The following HEATR1 variants were observed in gnomAD, a reference collection of about 807,000 sequenced individuals.
The protein encoded by HEATR1 is HEAT repeat containing 1.
A neutral mutation model predicts 248.2 loss-of-function variants in HEATR1; 77 were observed. The ratio of observed to expected loss-of-function variants is 0.31; its 90% confidence interval spans 0.26 to 0.37. HEATR1 has a LOEUF of 0.37. HEATR1 is among the 10% of genes least tolerant of loss of function. The pLI is 1.00. For synonymous variants in HEATR1, 897 were observed against 923.1 expected, an observed-to-expected ratio of 0.97 and a Z score of 0.51; for missense variants, 2,420 against 2,504.9, an observed-to-expected ratio of 0.97 and a Z score of 0.72.
At chr1:236,554,960 G>T (rs1662918347) in intron 41 of HEATR1, among the ~76,000 whole-genome samples, 3 of 152,132 alleles carry the variant, frequency 2.0e-5, no homozygotes. Flanking sequence ...CACTCACTCT[G>T]GCAAGTTAAA....
intron 4 of HEATR1, 36 bp downstream of exon 4, chr1:236,599,447 T>C (rs767631347): frequency 4.5e-6 from 7 of 1,568,194 alleles, no homozygotes; most frequent in Non-Finnish European, 6.1e-6. Context: ...TCAAGATCTG[T>C]AATGATTACA....
At chr1:236,566,982 GA>G (rs1663289495) in intron 29 of HEATR1, 106 bp from the exon 30 acceptor site, 1 of 710,564 alleles carries the variant, frequency 1.4e-6, no homozygotes, top group Non-Finnish European at 2.4e-6. Flanking sequence ...GAAATTGCCA[GA>G]AGAATTTTAT....
chr1:236,565,598 T>C lies in HEATR1; in HGVS notation c.4435+321A>G, dbSNP rs1663248459. Among the ~76,000 whole-genome samples the C allele has an allele frequency of 2.6e-5, 4 of 152,140 alleles. No individual in the cohort carries two copies. In the South Asian group the frequency reaches 8.3e-4, roughly 31 times the overall value. ...TTCTTTTCATGTAAATGTCTTCAGA[T>C]ATTTTAATGAGAAGCTGAGAGACAG... On this transcript the variant is annotated intron_variant, in intron 31 of 44. Transcript: ENST00000366582.
rs200588560 is a variant in HEATR1 at position 236,595,657 on chromosome 1, A to G, written c.973T>C (p.Cys325Arg). The G allele has an allele frequency of 6.8e-6, 11 of 1,612,152 alleles. No individual in the cohort carries two copies. The highest frequency in any genetic ancestry group is 5.5e-5 in the South Asian group (5 of 90,646). The stretch of plus-strand genomic sequence containing the variant: ...ATTGTAATAAGATCAGGAACATTAC[A>G]TAAGTGAGGGAATGGCCTTTGAAGA... ...SLGKKPFPHL[C>R]NVPDLITILH... The change falls in exon 8 of 45, where the codon TGT (cysteine) becomes CGT (arginine). Residue 325 changes from cysteine to arginine, a missense_variant. Coordinates refer to ENST00000366582, the MANE Select transcript of HEATR1 (RefSeq NM_018072.6).
At position 236,569,667 on chromosome 1, in the gene HEATR1, C is replaced by T. The variant is rs577266790; in HGVS notation, c.3949-543G>A. The stretch of plus-strand genomic sequence containing the variant: ...GGCAAGGATGTGAAGAAATTGGGAA[C>T]TTTACAGGCTGCTGGTGGAAGCAAA... On this transcript the variant is annotated intron_variant, in intron 28 of 44. Coordinates refer to ENST00000366582, the MANE Select transcript of HEATR1 (RefSeq NM_018072.6). Among the ~76,000 whole-genome samples the T allele has an allele frequency of 2.6e-5, 4 of 152,256 alleles. No homozygotes were observed. The East Asian group carries it at 7.7e-4, about 29-fold the overall frequency.
chr1:236,566,828 C>T lies in HEATR1; in HGVS notation c.4126G>A (p.Val1376Met). ...ACAAATACACTAATGATTTTTACCACAATCTCTTCAACGTTTCTTGAAACT... is the reference window on the plus strand; with the variant it reads ...ACAAATACACTAATGATTTTTACCATAATCTCTTCAACGTTTCTTGAAACT... ...IEVSRNVEEIVVKIISVFVDA... is the reference protein window; with the variant it reads ...IEVSRNVEEIMVKIISVFVDA... The change falls in exon 30 of 45, where the codon GTG becomes ATG. Residue 1376 changes from valine (V) to methionine (M), a missense_variant. Transcript: ENST00000366582. 6.2e-7 allele frequency: 1 copy of T among 1,614,112 alleles called. No individual in the cohort carries two copies. Among genetic ancestry groups the T allele is most frequent in the Non-Finnish European group, 8.5e-7 (1 of 1,180,026 alleles).
At position 236,551,170 on chromosome 1, in the gene HEATR1, C is replaced by T. The variant is rs138650493; in HGVS notation, c.6347-180G>A. Reference sequence around the variant, plus strand: ...CCGCCTCCCTCCACACCGCTCCTTCCGCCTTCATTCCTTGCCCACAGGCTT... The same window carrying T: ...CCGCCTCCCTCCACACCGCTCCTTCTGCCTTCATTCCTTGCCCACAGGCTT... On this transcript the variant is annotated intron_variant, in intron 44 of 44. Coordinates refer to ENST00000366582, the MANE Select transcript of HEATR1 (RefSeq NM_018072.6). 46 of 554,174 alleles carry T rather than the reference C, an allele frequency of 8.3e-5. No homozygotes were observed. The East Asian group carries it at 1.2e-3, about 14-fold the overall frequency. The allele number at this position is 554,174 out of a possible 1,614,324, so 34.3% of individuals were successfully genotyped here.
At chr1:236,556,853 G>T (rs16833873) in intron 37 of HEATR1, among the ~76,000 whole-genome samples, 2,372 of 152,182 alleles carry the variant, frequency 0.016, 15 homozygotes, top group Middle Eastern at 0.075. Flanking sequence ...TCTCACAGTA[G>T]AAACAGGGCC....
chr1:236,558,335 T>G lies in HEATR1; in HGVS notation c.5106A>C (p.Pro1702=). Residue 1702 remains proline, a synonymous_variant, in exon 36 of 45, where the codon CCA becomes CCC. Transcript: ENST00000366582. ...VLNTAVKLIA[P]ERKEEKNVLG... ...GGACATTCTTCTCCTCCTTTCTCTC[T>G]GGAGCAATCAGTTTCACAGCAGTGT... The G allele has an allele frequency of 6.2e-7, 1 of 1,614,202 alleles. No homozygotes were observed. Among genetic ancestry groups the G allele is most frequent in the South Asian group, 1.1e-5 (1 of 91,084 alleles).
intron 3 of HEATR1, chr1:236,602,775 T>A (rs1572057135): frequency 1.1e-5 from 2 of 178,834 alleles, no homozygotes; most frequent in East Asian, 2.9e-4. Context: ...AACACAAAAC[T>A]CATCCAGGCA....
At position 236,581,209 on chromosome 1, in the gene HEATR1, C is replaced by T. The variant is rs772481468; in HGVS notation, c.2755+13G>A. On this transcript the variant is annotated intron_variant, in intron 20 of 44. Transcript: ENST00000366582. ...TTGGTCATGACAAAACATAACAATG[C>T]TACTTTTAATACCTGGAGAAGATAT... The T allele has an allele frequency of 8.1e-6, 13 of 1,599,294 alleles. No individual in the cohort carries two copies. In the East Asian group the frequency reaches 2.7e-4, roughly 33 times the overall value.
chr1:236,559,272 TAAAA>T (rs1420181129), intron 34 of HEATR1, 137 bp from the exon 35 acceptor site: 2 of 614,276 alleles, frequency 3.3e-6, no homozygotes, highest in African/African-American at 3.8e-5. Context: ...ATTTAATTCT[TAAAA>T]TAACCTTTCA....
At position 236,595,876 on chromosome 1, in the gene HEATR1, T is replaced by C. The variant is rs1000929249; in HGVS notation, c.913A>G (p.Ile305Val). 12 of 1,613,984 alleles carry C rather than the reference T, an allele frequency of 7.4e-6. No individual in the cohort carries two copies. The highest frequency in any genetic ancestry group is 1.6e-4 in the Middle Eastern group (1 of 6,084). The change falls in exon 7 of 45, where the codon ATA (isoleucine) becomes GTA (valine). Residue 305 changes from isoleucine (I) to valine (V), a missense_variant. Transcript: ENST00000366582. ...SLIKDGLSCL[I>V]VLLQRQKPES... ...GGCTTCTGTCTCTGCAGGAGCACTA[T>C]CAAGCAACTTAACCCATCCTTGATC... is the stretch of plus-strand genomic sequence containing the variant.
chr1:236,551,030 C>G, intron 44 of HEATR1, 40 bp from the exon 45 acceptor site: 1 of 1,473,878 alleles, frequency 6.8e-7, no homozygotes, highest in South Asian at 1.2e-5. Flanking sequence ...AAATCTGAGT[C>G]AGTCCGCCTG....
intron 37 of HEATR1, among the ~76,000 whole-genome samples, chr1:236,556,728 T>C (rs893590337): frequency 2.0e-5 from 3 of 152,214 alleles, no homozygotes; most frequent in African/African-American, 7.2e-5. Flanking sequence ...CAGCCAGGTC[T>C]CAACATTCTT....
intron 22 of HEATR1, 53 bp from the exon 23 acceptor site, chr1:236,574,956 G>A: frequency 1.9e-6 from 3 of 1,555,058 alleles, no homozygotes; most frequent in African/African-American, 1.4e-5. Flanking sequence ...ATATGTTTTT[G>A]CTCACTCTAC....
rs773185013 is a variant in HEATR1, at chr1:236,603,967, G to C, written c.129C>G (p.Thr43=). ...PKEAATIDRD[T]AFAIGCTGLE... ...AAGATGGCTCACCAATGGCGAAGGC[G>C]GTGTCCCTGTCGATTGTGGCCGCTT... The change falls in exon 2 of 45, where the codon ACC becomes ACG. Residue 43 remains threonine (T), a synonymous_variant. Coordinates refer to ENST00000366582, the MANE Select transcript of HEATR1 (RefSeq NM_018072.6). The C allele has an allele frequency of 1.3e-6, 2 of 1,595,602 alleles. No individual in the cohort carries two copies. The highest frequency in any genetic ancestry group is 1.7e-6 in the Non-Finnish European group (2 of 1,174,392).
chr1:236,589,364 T>C (rs528832046), intron 12 of HEATR1, among the ~76,000 whole-genome samples: 1 of 152,348 alleles, frequency 6.6e-6, no homozygotes, highest in African/African-American at 2.4e-5. Flanking sequence ...TAAAGCAACA[T>C]TTCTCAAACC....
intron 5 of HEATR1, 35 bp from the exon 6 acceptor site, chr1:236,597,011 A>G (rs1312524289): frequency 6.3e-7 from 1 of 1,596,596 alleles, no homozygotes; most frequent in East Asian, 2.2e-5. Flanking sequence ...CACATTTAAC[A>G]GTGAAAGGGA....
Sources: gnomAD v4.1 joint callset for allele counts (sites outside exome capture counted in the v4.1 genomes callset) on GRCh38, gnomAD v4.1.1 for gene constraint, MANE v1.5 for transcripts, NCBI Gene and HGNC (gene_info 2026-07-23, HGNC 2026-07-21) for gene names.